Variants in NFIB observed in about 807,000 individuals in gnomAD.
NFIB encodes the protein nuclear factor 1 B-type.
A neutral mutation model predicts 61.5 loss-of-function variants in NFIB; 11 were observed. The observed-to-expected ratio is 0.18, with a 90% CI of 0.11 to 0.30. NFIB has a LOEUF of 0.30. Among genes scored for constraint, NFIB ranks in the 10% least tolerant of loss-of-function variants. The pLI is 1.00. For missense variants in NFIB, 471 were observed against 608.9 expected (o/e 0.77, Z 2.38); for synonymous variants, 260 against 216.5 (o/e 1.20, Z -1.76).
At chr9:14,189,271 A>G (rs2047683022) in intron 2 of NFIB, among the ~76,000 whole-genome samples, 1 of 152,174 alleles carries the variant, frequency 6.6e-6, no homozygotes, top group South Asian at 2.1e-4. Context: ...TTCATTGGCA[A>G]TCTTTCTTCT....
chr9:14,372,770 T>C (rs1056491670), intron 1 of NFIB, among the ~76,000 whole-genome samples: 1 of 152,218 alleles, frequency 6.6e-6, no homozygotes, highest in Admixed American at 6.5e-5. Context: ...TGGCTGGCTG[T>C]AGCTTCTAAT....
intron 2 of NFIB, among the ~76,000 whole-genome samples, chr9:14,288,416 A>T (rs987542369): frequency 4.6e-5 from 7 of 152,062 alleles, no homozygotes; most frequent in Non-Finnish European, 8.8e-5. Flanking sequence ...TTCCTATTAG[A>T]TTCTTTTATT....
chr9:14,341,764 G>A lies in NFIB; in HGVS notation c.109-34244C>T, dbSNP rs139895433. ...TCATCCATGGCTCACGGGCTTGCCA[G>A]TTGCTGTTACAACCTGGTTCTGCTT... On this transcript the variant is annotated intron_variant, in intron 1 of 8. Coordinates refer to the NFIB transcript ENST00000380934. 4.9e-3 allele frequency among the ~76,000 whole-genome samples: 749 copies of A among 152,264 alleles called. 4 individuals carry two copies. Among genetic ancestry groups the A allele is most frequent in the African/African-American group, 0.016 (683 of 41,556 alleles).
At chr9:14,503,098 A>G in the NFIB span, among the ~76,000 whole-genome samples, 58 of 150,348 alleles carry the variant, frequency 3.9e-4, no homozygotes, top group African/African-American at 1.4e-3. Context: ...GTATATATAT[A>G]TATATATATG....
intron 2 of NFIB, among the ~76,000 whole-genome samples, chr9:14,294,814 A>G (rs534710300): frequency 6.6e-6 from 1 of 152,326 alleles, no homozygotes; most frequent in East Asian, 1.9e-4. Context: ...CCCTACGTCA[A>G]TGTGACACGT....
rs1191193223 is a variant in NFIB, at chr9:14,116,262, G to A, written c.1330C>T (p.Arg444Ter). The part of the protein sequence containing the change: ...LAPSPHPSAV[R>*]PVTLSMTDTK... The stretch of plus-strand genomic sequence containing the variant: ...TCTGTCATGCTCAGGGTCACAGGTC[G>A]CACTGCACTGGGATGGGGAGAGGGT... Residue 444 changes from arginine (R) to a stop codon, truncating the protein, a stop_gained, in exon 9 of 11, where the codon CGA becomes TGA. Transcript: ENST00000380953. LOFTEE classifies it high-confidence loss of function. 5 of 1,538,186 alleles carry A rather than the reference G, an allele frequency of 3.3e-6. No individual in the cohort carries two copies. Among genetic ancestry groups the A allele is most frequent in the Admixed American group, 2.0e-5 (1 of 49,432 alleles).
intron 6 of NFIB, among the ~76,000 whole-genome samples, chr9:14,137,337 G>A (rs928971527): frequency 2.0e-5 from 3 of 152,116 alleles, no homozygotes; most frequent in Admixed American, 6.6e-5. Flanking sequence ...CAAAATATAC[G>A]GGGCCTCCAA....
chr9:14,475,203 T>A, the NFIB span, among the ~76,000 whole-genome samples: 12 of 152,204 alleles, frequency 7.9e-5, no homozygotes, highest in African/African-American at 1.4e-4. Flanking sequence ...ATTTTAAAAA[T>A]GAATCTGAGG....
At chr9:14,270,030 T>C (rs1272210968) in intron 2 of NFIB, among the ~76,000 whole-genome samples, 1 of 152,150 alleles carries the variant, frequency 6.6e-6, no homozygotes, top group Non-Finnish European at 1.5e-5. Context: ...ATCCAGCAAG[T>C]TATTCATTTT....
chr9:14,214,026 G>C (rs545777907), intron 2 of NFIB, among the ~76,000 whole-genome samples: 1 of 152,174 alleles, frequency 6.6e-6, no homozygotes, highest in East Asian at 1.9e-4. Flanking sequence ...TATGCATCAG[G>C]TCTCGTTTCC....
intron 8 of NFIB, among the ~76,000 whole-genome samples, chr9:14,118,563 T>C (rs2038470309): frequency 6.6e-6 from 1 of 152,090 alleles, no homozygotes; most frequent in East Asian, 1.9e-4. Flanking sequence ...TCCTCAGTTT[T>C]CTACTGGTTC....
At chr9:14,431,106 G>C in the NFIB span, among the ~76,000 whole-genome samples, 1 of 152,108 alleles carries the variant, frequency 6.6e-6, no homozygotes, top group Non-Finnish European at 1.5e-5. Context: ...CATAACTTGG[G>C]CTTTAACATT....
intron 1 of NFIB, among the ~76,000 whole-genome samples, chr9:14,350,395 C>A (rs902563572): frequency 1.3e-5 from 2 of 151,880 alleles, no homozygotes; most frequent in Non-Finnish European, 2.9e-5. Flanking sequence ...GTTGGAACTA[C>A]GTTTAGTTTG....
intron 2 of NFIB, among the ~76,000 whole-genome samples, chr9:14,273,560 G>A (rs1313981691): frequency 9.9e-5 from 15 of 152,092 alleles, no homozygotes; most frequent in Admixed American, 7.2e-4. Flanking sequence ...GGTCAGGCAC[G>A]CTACACAGAG....
At chr9:14,477,839 C>T in the NFIB span, among the ~76,000 whole-genome samples, 2 of 152,176 alleles carry the variant, frequency 1.3e-5, no homozygotes, top group East Asian at 3.9e-4. Context: ...TATCTAGATT[C>T]GTTAATCTAG....
At chr9:14,173,371 C>A (rs1404089521) in intron 3 of NFIB, among the ~76,000 whole-genome samples, 2 of 152,168 alleles carry the variant, frequency 1.3e-5, no homozygotes, top group Non-Finnish European at 2.9e-5. Flanking sequence ...TGAACTCCTA[C>A]AAGACCTGCA....
chr9:14,509,051 T>G, the NFIB span, among the ~76,000 whole-genome samples: 75,789 of 151,998 alleles, frequency 0.5, 19,197 homozygotes, highest in South Asian at 0.68. Context: ...AATAAATGTT[T>G]GAAATGAGTT....
the NFIB span, among the ~76,000 whole-genome samples, chr9:14,426,408 G>C: frequency 6.6e-6 from 1 of 152,264 alleles, no homozygotes; most frequent in African/African-American, 2.4e-5. Flanking sequence ...TAAGTGAACT[G>C]ATTTGCATGT....
intron 1 of NFIB, among the ~76,000 whole-genome samples, chr9:14,309,426 A>G (rs761741679): frequency 2.6e-5 from 4 of 152,238 alleles, no homozygotes; most frequent in African/African-American, 4.8e-5. Flanking sequence ...GTATGAATCA[A>G]AATTTTATAA....
Sources: allele counts gnomAD v4.1 joint callset (sites outside exome capture counted in the v4.1 genomes callset), GRCh38; gene constraint gnomAD v4.1.1; transcripts MANE v1.5; gene names NCBI Gene and HGNC (gene_info 2026-07-23, HGNC 2026-07-21).